Variants in SOX5 observed in about 807,000 individuals in gnomAD.
The protein encoded by SOX5 is SRY-box transcription factor 5.
SOX5 carries 9 observed loss-of-function variants against 92.0 expected under a neutral mutation model. The ratio of observed to expected loss-of-function variants is 0.10; its 90% CI spans 0.06 to 0.17. The LOEUF is 0.17. SOX5 is among the 10% of genes least tolerant of loss of function. The probability of loss-of-function intolerance (pLI) is 1.00; values close to 1 mark genes in which losing one functional copy is unlikely to be tolerated. For synonymous variants in SOX5, 344 were observed against 336.3 expected (o/e 1.02, Z -0.25); for missense variants, 642 against 944.5 (o/e 0.68, Z 4.20).
intron 4 of SOX5, among the ~76,000 whole-genome samples, chr12:23,982,627 C>A (rs560731475): frequency 6.6e-6 from 1 of 152,056 alleles, no homozygotes; most frequent in East Asian, 1.9e-4. Flanking sequence ...CCTACCCTAA[C>A]TAACTCTTAA....
intron 1 of SOX5, among the ~76,000 whole-genome samples, chr12:23,946,653 G>A (rs573230053): frequency 7.3e-5 from 11 of 151,708 alleles, no homozygotes; most frequent in South Asian, 2.1e-4. Flanking sequence ...GGGAGACTTC[G>A]GGCGTTCATT....
At chr12:24,216,015 G>A (rs1198438857) in intron 3 of SOX5, among the ~76,000 whole-genome samples, 2 of 152,148 alleles carry the variant, frequency 1.3e-5, no homozygotes, top group Non-Finnish European at 2.9e-5. Flanking sequence ...AAGAATAGTT[G>A]TCATATAAGT....
rs114745623 is a variant in SOX5 at position 24,521,715 on chromosome 12, G to T, written c.-251+40614C>A. 8.3e-3 allele frequency among the ~76,000 whole-genome samples: 1,267 copies of T among 152,110 alleles called. 19 individuals are homozygous for T. The highest frequency in any genetic ancestry group is 0.03 in the African/African-American group (1,227 of 41,514). On this transcript the variant is annotated intron_variant, in intron 1 of 4. Transcript: ENST00000446891. ...CAACACACTCTTGAACAACCATAGG[G>T]TCAAAGAGGAAATCAAAAAGAAATA...
intron 4 of SOX5, among the ~76,000 whole-genome samples, chr12:24,074,400 C>G (rs1054589089): frequency 6.6e-6 from 1 of 151,756 alleles, no homozygotes; most frequent in Non-Finnish European, 1.5e-5. Flanking sequence ...CAGCTACCAC[C>G]TGCACCTGGA....
intron 4 of SOX5, among the ~76,000 whole-genome samples, chr12:24,014,251 G>A (rs60086436): frequency 3.9e-4 from 60 of 152,118 alleles, no homozygotes; most frequent in East Asian, 2.1e-3. Context: ...CTCTCTTAGC[G>A]CCTCCTTTAA....
At chr12:23,788,894 A>G (rs971439084) in intron 3 of SOX5, among the ~76,000 whole-genome samples, 1 of 152,042 alleles carries the variant, frequency 6.6e-6, no homozygotes, top group African/African-American at 2.4e-5. Flanking sequence ...CCAAAAAATT[A>G]TACTGTTTCT....
intron 4 of SOX5, among the ~76,000 whole-genome samples, chr12:23,997,533 TG>T (rs1439574145): frequency 6.6e-6 from 1 of 152,152 alleles, no homozygotes; most frequent in Non-Finnish European, 1.5e-5. Flanking sequence ...TCTTGGGGGT[TG>T]GGAAGGCTGT....
chr12:23,960,590 G>A (rs1400823659), intron 4 of SOX5, among the ~76,000 whole-genome samples: 1 of 141,418 alleles, frequency 7.1e-6, no homozygotes, highest in Non-Finnish European at 1.5e-5. Context: ...AGAACCTGAA[G>A]TCCACTAATT....
intron 4 of SOX5, among the ~76,000 whole-genome samples, chr12:24,106,165 C>A (rs1485869349): frequency 6.6e-6 from 1 of 150,452 alleles, no homozygotes; most frequent in Non-Finnish European, 1.5e-5. Flanking sequence ...ATTTGCAATG[C>A]GTGTATCACA....
intron 3 of SOX5, among the ~76,000 whole-genome samples, chr12:23,771,186 GCAA>G (rs1232024472): frequency 6.4e-5 from 4 of 62,458 alleles, no homozygotes; most frequent in Admixed American, 1.7e-4. Context: ...CAAAAATGGA[GCAA>G]AAAAAAAAAA....
chr12:24,422,897 G>A (rs1966152285), intron 1 of SOX5, among the ~76,000 whole-genome samples: 1 of 152,190 alleles, frequency 6.6e-6, no homozygotes, highest in Non-Finnish European at 1.5e-5. Flanking sequence ...TGTAGTTCCA[G>A]CTACTCAGGA....
At chr12:23,966,822 TCA>T (rs1947639414) in intron 4 of SOX5, among the ~76,000 whole-genome samples, 1 of 152,184 alleles carries the variant, frequency 6.6e-6, no homozygotes, top group African/African-American at 2.4e-5. Context: ...TAATATGTAT[TCA>T]CAGTTATTAG....
At chr12:23,803,143 A>C (rs974556824) in intron 3 of SOX5, among the ~76,000 whole-genome samples, 18 of 152,216 alleles carry the variant, frequency 1.2e-4, no homozygotes, top group African/African-American at 4.1e-4. Context: ...AAGCACTTCA[A>C]CTGTCATTAG....
chr12:23,810,142 CCTAACTT>C (rs2095851862), intron 3 of SOX5, among the ~76,000 whole-genome samples: 1 of 152,120 alleles, frequency 6.6e-6, no homozygotes. Context: ...TCTTCTGTCT[CCTAACTT>C]CTTTATGATA....
At chr12:24,441,873 T>C (rs1335156276) in intron 1 of SOX5, among the ~76,000 whole-genome samples, 1 of 152,112 alleles carries the variant, frequency 6.6e-6, no homozygotes, top group Non-Finnish European at 1.5e-5. Context: ...CTTTTTTTAA[T>C]AAAAAAGAAA....
chr12:24,351,201 T>G (rs1022362661), intron 2 of SOX5, among the ~76,000 whole-genome samples: 2 of 152,212 alleles, frequency 1.3e-5, no homozygotes, highest in African/African-American at 4.8e-5. Context: ...ATCTATCTAC[T>G]GTCTTGTAGA....
At chr12:23,636,200 C>G (rs2079209273) in intron 8 of SOX5, among the ~76,000 whole-genome samples, 1 of 152,102 alleles carries the variant, frequency 6.6e-6, no homozygotes, top group South Asian at 2.1e-4. Flanking sequence ...ATGGCACATG[C>G]TAATTTGTAT....
At chr12:23,545,930 C>T (rs1025408885) in intron 12 of SOX5, among the ~76,000 whole-genome samples, 1 of 151,550 alleles carries the variant, frequency 6.6e-6, no homozygotes, top group Non-Finnish European at 1.5e-5. Flanking sequence ...ATCCCAGCTA[C>T]TTGGGAGGCT....
chr12:23,600,151 C>A (rs1192831999), intron 9 of SOX5, among the ~76,000 whole-genome samples: 5 of 152,106 alleles, frequency 3.3e-5, no homozygotes, highest in Non-Finnish European at 4.4e-5. Context: ...AAATAATTTT[C>A]TTTAATGTGA....
Sources: gnomAD v4.1 joint callset for allele counts (sites outside exome capture counted in the v4.1 genomes callset) on GRCh38, gnomAD v4.1.1 for gene constraint, MANE v1.5 for transcripts, NCBI Gene and HGNC (gene_info 2026-07-23, HGNC 2026-07-21) for gene names.